PIK3C3: variants seen among roughly 807,000 people sequenced by gnomAD.
The protein encoded by PIK3C3 is PI3-kinase type 3.
PIK3C3 carries 95 observed loss-of-function variants against 126.1 expected under a neutral mutation model. That is an observed-to-expected ratio of 0.75 (90% CI 0.64 to 0.89). PIK3C3 has a LOEUF of 0.89. Ranked by LOEUF, PIK3C3 falls within the 40% of genes least tolerant of loss-of-function variation. PIK3C3 has a pLI of 0.00. For synonymous variants in PIK3C3, 374 were observed against 360.0 expected (o/e 1.04, Z -0.44); for missense variants, 829 against 1,063.2 (o/e 0.78, Z 3.06).
At chr18:41,981,975 C>T (rs1008138843) in intron 4 of PIK3C3, among the ~76,000 whole-genome samples, 1 of 151,582 alleles carries the variant, frequency 6.6e-6, no homozygotes, top group Non-Finnish European at 1.5e-5. Context: ...CAGAGTGAGA[C>T]CCTGTCTCAA....
At chr18:42,034,876 TA>T (rs1326033998) in intron 16 of PIK3C3, among the ~76,000 whole-genome samples, 1 of 152,238 alleles carries the variant, frequency 6.6e-6, no homozygotes, top group Non-Finnish European at 1.5e-5. Context: ...AAACAGTTCA[TA>T]TTTTTTAAAA....
intron 6 of PIK3C3, among the ~76,000 whole-genome samples, chr18:41,992,643 A>G (rs1981834100): frequency 6.6e-6 from 1 of 152,180 alleles, no homozygotes; most frequent in Non-Finnish European, 1.5e-5. Context: ...TTCAAAGGTG[A>G]TAATACCAAC....
intron 21 of PIK3C3, 107 bp downstream of exon 21, chr18:42,049,712 GC>G: frequency 1.2e-6 from 1 of 861,030 alleles, no homozygotes. Flanking sequence ...GGTGGCTCAC[GC>G]CCGTAATCCC....
Position 41,988,516 on chromosome 18 carries a change from CA to C in PIK3C3, c.618+619del, listed in dbSNP as rs374745718. 4.9e-4 allele frequency among the ~76,000 whole-genome samples: 75 copies of C among 152,138 alleles called. No homozygotes were observed. In the East Asian group the frequency reaches 0.011, roughly 22 times the overall value. ...GGCCTAATGTTCCACATCTAGAGAACAGAAACAATAATTATATTAATCAAAT... is the reference window on the plus strand; with the variant it reads ...GGCCTAATGTTCCACATCTAGAGAACGAAACAATAATTATATTAATCAAAT... On this transcript the variant is annotated intron_variant, in intron 5 of 24. Coordinates refer to ENST00000262039, the MANE Select transcript of PIK3C3 (RefSeq NM_002647.4).
chr18:42,057,064 C>A (rs985088963), intron 21 of PIK3C3, among the ~76,000 whole-genome samples: 2 of 126,034 alleles, frequency 1.6e-5, no homozygotes, highest in African/African-American at 6.3e-5. Flanking sequence ...ATGAACCCCC[C>A]CCCCCGTGTT....
At chr18:42,079,183 A>C (rs888070467) in intron 24 of PIK3C3, among the ~76,000 whole-genome samples, 3 of 152,210 alleles carry the variant, frequency 2.0e-5, no homozygotes, top group Non-Finnish European at 4.4e-5. Flanking sequence ...AGCCAGAGAT[A>C]TGCGACTCTT....
intron 3 of PIK3C3, among the ~76,000 whole-genome samples, chr18:41,969,602 A>G (rs186326166): frequency 9.8e-5 from 15 of 152,356 alleles, no homozygotes; most frequent in African/African-American, 2.9e-4. Flanking sequence ...TTTTGTATGA[A>G]TCTACTATTG....
intron 13 of PIK3C3, among the ~76,000 whole-genome samples, chr18:42,022,575 C>A (rs1279152711): frequency 1.3e-5 from 2 of 152,182 alleles, no homozygotes; most frequent in South Asian, 2.1e-4. Context: ...CAAAGAAAAA[C>A]CACTGTCAAC....
chr18:42,077,364 T>C (rs1253751703), intron 24 of PIK3C3, among the ~76,000 whole-genome samples: 1 of 152,244 alleles, frequency 6.6e-6, no homozygotes, highest in Non-Finnish European at 1.5e-5. Flanking sequence ...TGCTGTTTGA[T>C]AGCATTTTGC....
Position 42,014,915 on chromosome 18 carries a change from CTA to C in PIK3C3, c.1326-557_1326-556del, listed in dbSNP as rs148218902. On this transcript the variant is annotated intron_variant, in intron 11 of 24. Transcript: ENST00000262039. Reference sequence around the variant, plus strand: ...GATGCTCTTTATATTTTATCTCACTCTATATTGGAGGTCTTCAGTCTCAAGTC... The same window carrying C: ...GATGCTCTTTATATTTTATCTCACTCTATTGGAGGTCTTCAGTCTCAAGTC... Among the ~76,000 whole-genome samples, 83 of 152,186 alleles carry C rather than the reference CTA, an allele frequency of 5.5e-4. 1 individual carries two copies. The East Asian group carries it at 0.016, about 29-fold the overall frequency.
chr18:42,010,255 G>C, intron 10 of PIK3C3, among the ~76,000 whole-genome samples: 1 of 152,132 alleles, frequency 6.6e-6, no homozygotes, highest in Non-Finnish European at 1.5e-5. Flanking sequence ...CTCTTCATCT[G>C]TTCAAGTTTT....
At chr18:42,040,894 C>A (rs1021476841) in intron 19 of PIK3C3, among the ~76,000 whole-genome samples, 153 bp downstream of exon 19, 1 of 152,002 alleles carries the variant, frequency 6.6e-6, no homozygotes, top group Non-Finnish European at 1.5e-5. Context: ...TAAGCATGTT[C>A]GCAGTTGAAG....
chr18:42,052,810 A>G lies in PIK3C3; in HGVS notation c.2263+3205A>G, dbSNP rs567509489. 66 of 152,324 alleles carry G rather than the reference A, an allele frequency of 4.3e-4. 1 individual carries two copies. Among genetic ancestry groups the G allele is most frequent in the African/African-American group, 1.5e-3 (62 of 41,594 alleles). 9.4% of individuals were successfully genotyped at this position (152,324 alleles called of 1,614,324 possible). A position where few individuals can be genotyped will look rare whatever the true frequency, so the allele number is the denominator to read the frequency against. ...CCTCGACTGTCATGAAGACTTGTCC[A>G]TTGTATATTTTGAGTTTATTATGCC... On this transcript the variant is annotated intron_variant, in intron 21 of 24. Transcript: ENST00000262039.
At chr18:42,007,528 A>T (rs896900190) in intron 10 of PIK3C3, among the ~76,000 whole-genome samples, 9 of 152,168 alleles carry the variant, frequency 5.9e-5, no homozygotes, top group African/African-American at 1.9e-4. Flanking sequence ...ATGATTTTTT[A>T]TTCACTCACT....
intron 13 of PIK3C3, chr18:42,025,340 A>G (rs1360834718): frequency 2.6e-5 from 4 of 152,252 alleles, no homozygotes; most frequent in African/African-American, 9.6e-5. Context: ...GAATAATACC[A>G]TATTGACAGT....
At chr18:42,023,804 G>A (rs1043130998) in intron 13 of PIK3C3, among the ~76,000 whole-genome samples, 1 of 152,134 alleles carries the variant, frequency 6.6e-6, no homozygotes, top group Admixed American at 6.5e-5. Context: ...TATAACAAAT[G>A]TATTAAAATA....
Position 42,086,508 on chromosome 18 carries a change from T to C in PIK3C3, c.*5371T>C, listed in dbSNP as rs1218906978. 1 of 152,066 alleles carries C rather than the reference T, an allele frequency of 6.6e-6. No homozygotes were observed. The highest frequency in any genetic ancestry group is 6.5e-5 in the Admixed American group (1 of 15,274). 9.4% of individuals were successfully genotyped at this position (152,066 alleles called of 1,614,324 possible). On this transcript the variant is annotated 3_prime_UTR_variant, in exon 25 of 25. Transcript: ENST00000262039. ...GATAGGAGATTGGCTCAAGATAAGGTCACAAAGACCTTGCTGATAAAACAG... is the reference window on the plus strand; with the variant it reads ...GATAGGAGATTGGCTCAAGATAAGGCCACAAAGACCTTGCTGATAAAACAG...
intron 13 of PIK3C3, among the ~76,000 whole-genome samples, chr18:42,024,536 A>G (rs370128082): frequency 6.6e-6 from 1 of 150,726 alleles, no homozygotes; most frequent in East Asian, 2.0e-4. Flanking sequence ...CCCAGGTTCA[A>G]TCAATTCTCC....
intron 16 of PIK3C3, among the ~76,000 whole-genome samples, chr18:42,036,354 TCATC>T (rs1240182033): frequency 1.3e-5 from 2 of 152,184 alleles, no homozygotes; most frequent in East Asian, 1.9e-4. Flanking sequence ...TCACATCTGT[TCATC>T]CATCTATATG....
Sources: allele counts gnomAD v4.1 joint callset (sites outside exome capture counted in the v4.1 genomes callset), GRCh38; gene constraint gnomAD v4.1.1; transcripts MANE v1.5; gene names NCBI Gene and HGNC (gene_info 2026-07-23, HGNC 2026-07-21).